The following CACNA2D1 variants were observed in gnomAD, a reference collection of about 807,000 sequenced individuals.
The protein encoded by CACNA2D1 is calcium voltage-gated channel auxiliary subunit alpha2delta 1.
CACNA2D1 carries 53 observed loss-of-function variants against 171.5 expected under a neutral mutation model. The observed-to-expected ratio is 0.31, with a 90% CI of 0.25 to 0.39. CACNA2D1 has a LOEUF of 0.39. Among genes scored for constraint, CACNA2D1 ranks in the 10% least tolerant of loss-of-function variants. The probability of loss-of-function intolerance (pLI) is 1.00; values close to 1 mark genes in which losing one functional copy is unlikely to be tolerated. For synonymous variants in CACNA2D1, 442 were observed against 443.1 expected, an observed-to-expected ratio of 1.00 and a Z score of 0.03; for missense variants, 903 against 1,299.8, an observed-to-expected ratio of 0.69 and a Z score of 4.69.
chr7:82,399,635 CT>C (rs1826133051), intron 1 of CACNA2D1, among the ~76,000 whole-genome samples: 1 of 152,074 alleles, frequency 6.6e-6, no homozygotes, highest in Non-Finnish European at 1.5e-5. Context: ...AAATCACTTC[CT>C]TTTTATAAAC....
At chr7:82,421,170 G>A (rs1828683385) in intron 1 of CACNA2D1, among the ~76,000 whole-genome samples, 1 of 152,082 alleles carries the variant, frequency 6.6e-6, no homozygotes, top group Non-Finnish European at 1.5e-5. Context: ...ATGTTCTAAG[G>A]AGACAGTTTC....
chr7:82,430,028 T>G (rs1240488949), intron 1 of CACNA2D1, among the ~76,000 whole-genome samples: 2 of 152,162 alleles, frequency 1.3e-5, no homozygotes, highest in African/African-American at 2.4e-5. Flanking sequence ...TAAAATGTCA[T>G]GACAAAGACA....
intron 10 of CACNA2D1, among the ~76,000 whole-genome samples, chr7:82,040,145 T>C (rs917639358): frequency 2.6e-5 from 4 of 152,138 alleles, no homozygotes; most frequent in African/African-American, 9.7e-5. Flanking sequence ...TGGAGATGGT[T>C]AGAAAGGGAA....
chr7:82,411,826 A>G (rs1827701285), intron 1 of CACNA2D1, among the ~76,000 whole-genome samples: 1 of 152,024 alleles, frequency 6.6e-6, no homozygotes, highest in Non-Finnish European at 1.5e-5. Flanking sequence ...AGTAAAAAAA[A>G]AATTCACAGC....
In CACNA2D1 at chr7:82,038,057, A is replaced by G; in HGVS notation, c.1038+20T>C. 4 of 1,610,892 alleles carry G rather than the reference A, an allele frequency of 2.5e-6. No individual in the cohort carries two copies. The highest frequency in any genetic ancestry group is 3.4e-6 in the Non-Finnish European group (4 of 1,177,958). Reference sequence around the variant, plus strand: ...ACAATTGAACAACAACAACAACAAAAGACATAGCATGATACTTACATTAAG... The same window carrying G: ...ACAATTGAACAACAACAACAACAAAGGACATAGCATGATACTTACATTAAG... On this transcript the variant is annotated intron_variant, in intron 11 of 38. Transcript: ENST00000356860.
At chr7:82,411,234 G>A (rs57280577) in intron 1 of CACNA2D1, among the ~76,000 whole-genome samples, 1,536 of 152,246 alleles carry the variant, frequency 0.01, 20 homozygotes, top group African/African-American at 0.035. Context: ...CTGCGTGAGA[G>A]GGGAATGCAA....
At chr7:82,120,690 C>T (rs1340298082) in intron 5 of CACNA2D1, among the ~76,000 whole-genome samples, 2 of 151,984 alleles carry the variant, frequency 1.3e-5, no homozygotes, top group Non-Finnish European at 2.9e-5. Context: ...GCCTGGTCAA[C>T]ATGGTGAAAA....
intron 3 of CACNA2D1, among the ~76,000 whole-genome samples, chr7:82,319,806 G>A (rs1815591562): frequency 1.3e-5 from 2 of 152,212 alleles, no homozygotes; most frequent in South Asian, 2.1e-4. Flanking sequence ...GGAGTAATGA[G>A]TCCTGAGACT....
In CACNA2D1 at chr7:82,061,095, C is replaced by A. The variant is rs575567643; in HGVS notation, c.780-568G>T. Reference sequence around the variant, plus strand: ...GGCTGGCTCAACTCTAGGCAACTAACCCCCACTTCTACATCTCTAGCTCCC... The same window carrying A: ...GGCTGGCTCAACTCTAGGCAACTAAACCCCACTTCTACATCTCTAGCTCCC... On this transcript the variant is annotated intron_variant, in intron 9 of 38. Coordinates refer to ENST00000356860, the MANE Select transcript of CACNA2D1 (RefSeq NM_000722.4). 2.6e-5 allele frequency among the ~76,000 whole-genome samples: 4 copies of A among 152,262 alleles called. No homozygotes were observed. In the South Asian group the frequency reaches 8.3e-4, roughly 32 times the overall value.
At chr7:82,103,824 C>T (rs2129039358) in intron 6 of CACNA2D1, among the ~76,000 whole-genome samples, 1 of 152,090 alleles carries the variant, frequency 6.6e-6, no homozygotes, top group South Asian at 2.1e-4. Flanking sequence ...TCTACTGATC[C>T]ATAAGAACTG....
intron 10 of CACNA2D1, among the ~76,000 whole-genome samples, chr7:82,044,663 A>G (rs960841945): frequency 2.6e-5 from 4 of 152,304 alleles, no homozygotes; most frequent in Admixed American, 2.6e-4. Context: ...TTATGGTATC[A>G]GACACTATCC....
At chr7:82,184,528 G>A (rs944851903) in intron 3 of CACNA2D1, among the ~76,000 whole-genome samples, 4 of 151,238 alleles carry the variant, frequency 2.6e-5, no homozygotes, top group East Asian at 1.9e-4. Context: ...TAATGATTTC[G>A]GTAAAAGCTC....
intron 4 of CACNA2D1, among the ~76,000 whole-genome samples, chr7:82,147,680 G>A (rs1584919753): frequency 6.6e-6 from 1 of 152,188 alleles, no homozygotes; most frequent in East Asian, 1.9e-4. Context: ...TTTGTCCAAT[G>A]GTAATATTAG....
intron 3 of CACNA2D1, among the ~76,000 whole-genome samples, chr7:82,305,958 G>A (rs1813681010): frequency 6.6e-6 from 1 of 152,128 alleles, no homozygotes; most frequent in Non-Finnish European, 1.5e-5. Context: ...GAATCCAATT[G>A]AGCAGATAGT....
intron 1 of CACNA2D1, among the ~76,000 whole-genome samples, chr7:82,428,818 C>T (rs1829425507): frequency 6.6e-6 from 1 of 152,192 alleles, no homozygotes; most frequent in Non-Finnish European, 1.5e-5. Flanking sequence ...AGGGTTCAAC[C>T]TTGGGATTCT....
chr7:82,192,113 C>G (rs906094665), intron 3 of CACNA2D1, among the ~76,000 whole-genome samples: 7 of 151,398 alleles, frequency 4.6e-5, no homozygotes, highest in African/African-American at 1.7e-4. Context: ...CATGAAAATA[C>G]AGTTCCTGCC....
chr7:82,261,717 AT>A (rs200508221), intron 3 of CACNA2D1, among the ~76,000 whole-genome samples: 15 of 150,830 alleles, frequency 9.9e-5, no homozygotes, highest in African/African-American at 2.9e-4. Context: ...AAAATTTGGA[AT>A]TTTTTTTTTC....
chr7:82,155,221 C>T (rs544386135), intron 4 of CACNA2D1, among the ~76,000 whole-genome samples: 12 of 152,220 alleles, frequency 7.9e-5, no homozygotes, highest in African/African-American at 2.6e-4. Flanking sequence ...AACCTATTTT[C>T]TTTTTAAATT....
intron 31 of CACNA2D1, among the ~76,000 whole-genome samples, chr7:81,966,671 G>A (rs1296415611): frequency 1.3e-5 from 2 of 151,398 alleles, no homozygotes; most frequent in Non-Finnish European, 1.5e-5. Context: ...AGAAGTGAAA[G>A]TAATACAAGA....
Sources: gnomAD v4.1 joint callset for allele counts (sites outside exome capture counted in the v4.1 genomes callset) on GRCh38, gnomAD v4.1.1 for gene constraint, MANE v1.5 for transcripts, NCBI Gene and HGNC (gene_info 2026-07-23, HGNC 2026-07-21) for gene names.